DCT: variants seen among roughly 807,000 people sequenced by gnomAD.
DCT encodes dopachrome tautomerase.
In DCT, 47 loss-of-function variants were observed where a neutral mutation model predicts 53.0. That is an observed-to-expected ratio of 0.89 (90% CI 0.70 to 1.13). DCT has a LOEUF of 1.13. DCT is among the 50% of genes most tolerant of loss of function. The probability of loss-of-function intolerance (pLI) is 0.00; values close to 1 mark genes in which losing one functional copy is unlikely to be tolerated. For missense variants in DCT, 669 were observed against 637.4 expected (o/e 1.05, Z -0.53); for synonymous variants, 244 against 237.0 (o/e 1.03, Z -0.27).
chr13:94,536,470 G>T, the DCT span, among the ~76,000 whole-genome samples: 2 of 152,164 alleles, frequency 1.3e-5, no homozygotes, highest in Non-Finnish European at 2.9e-5. Flanking sequence ...GGAGGTGTTT[G>T]GGTCTTGGGG....
intron 1 of DCT, among the ~76,000 whole-genome samples, chr13:94,475,021 G>C (rs551081140): frequency 2.0e-5 from 3 of 152,272 alleles, no homozygotes; most frequent in East Asian, 3.9e-4. Flanking sequence ...ATTCGCAAAA[G>C]AGTCATCAGG....
At chr13:94,545,726 C>A in the DCT span, among the ~76,000 whole-genome samples, 2 of 152,072 alleles carry the variant, frequency 1.3e-5, no homozygotes, top group Admixed American at 6.6e-5. Context: ...GAATAAACAG[C>A]CTTTGCTTTC....
chr13:94,448,444 T>C (rs1030819661), intron 6 of DCT, among the ~76,000 whole-genome samples: 1 of 152,230 alleles, frequency 6.6e-6, no homozygotes, highest in Non-Finnish European at 1.5e-5. Flanking sequence ...GGTAGTTTTG[T>C]TAAAATTGTG....
rs150876034 is a variant in DCT at position 94,468,873 on chromosome 13, G to A, written c.468C>T (p.Tyr156=). 11 of 1,614,030 alleles carry A rather than the reference G, an allele frequency of 6.8e-6. No homozygotes were observed. The African/African-American group carries it at 1.1e-4, about 16-fold the overall frequency. ...DLAKKRVHPD[Y]VITTQHWLGL... is the part of the protein sequence containing the mutation. ...CCAGCCAGTGTTGTGTGGTGATCACGTAGTCGGGGTGTACTCTCTTCTTCG... is the reference window on the plus strand; with the variant it reads ...CCAGCCAGTGTTGTGTGGTGATCACATAGTCGGGGTGTACTCTCTTCTTCG... The change falls in exon 2 of 8, where the codon TAC becomes TAT. Residue 156 remains tyrosine, a synonymous_variant. Coordinates refer to ENST00000377028, the MANE Select transcript of DCT (RefSeq NM_001922.5).
rs1881963689 is a variant in DCT at position 94,437,343 on chromosome 13, G to A, written c.*2555C>T. Reference sequence around the variant, plus strand: ...ACATTTATTTTTAGTTTCCTTTTTAGTAAGTTTTCTACTTCTTAATAATGA... The same window carrying A: ...ACATTTATTTTTAGTTTCCTTTTTAATAAGTTTTCTACTTCTTAATAATGA... On this transcript the variant is annotated 3_prime_UTR_variant, in exon 8 of 8. Transcript: ENST00000377028. 8 of 151,888 alleles carry A rather than the reference G, an allele frequency of 5.3e-5. No individual in the cohort carries two copies. The highest frequency in any genetic ancestry group is 5.2e-4 in the Admixed American group (8 of 15,264). The allele number at this position is 151,888 out of a possible 1,614,324, so 9.4% of individuals were successfully genotyped here.
chr13:94,540,108 A>AT, the DCT span, among the ~76,000 whole-genome samples: 1 of 150,160 alleles, frequency 6.7e-6, no homozygotes, highest in Non-Finnish European at 1.5e-5. Flanking sequence ...TCAATTATCA[A>AT]TTCTAAAAAA....
chr13:94,525,821 T>A, the DCT span, among the ~76,000 whole-genome samples: 1 of 152,018 alleles, frequency 6.6e-6, no homozygotes, highest in Non-Finnish European at 1.5e-5. Flanking sequence ...AGTGAGACTC[T>A]GTCTCTACAA....
At chr13:94,449,434 A>AGT (rs1419812765) in intron 6 of DCT, among the ~76,000 whole-genome samples, 2 of 152,226 alleles carry the variant, frequency 1.3e-5, no homozygotes, top group Non-Finnish European at 2.9e-5. Flanking sequence ...AGACCAGCAC[A>AGT]GTGTAGCTTT....
chr13:94,474,395 C>T (rs936102692), intron 1 of DCT, among the ~76,000 whole-genome samples: 2 of 152,154 alleles, frequency 1.3e-5, no homozygotes, highest in African/African-American at 4.8e-5. Flanking sequence ...TAGCCTATTC[C>T]TTTTAATTAG....
At chr13:94,503,452 G>A in the DCT span, among the ~76,000 whole-genome samples, 1 of 147,442 alleles carries the variant, frequency 6.8e-6, no homozygotes, top group South Asian at 2.3e-4. Context: ...AAGGAGAGGA[G>A]AGGAGGGGAG....
the DCT span, among the ~76,000 whole-genome samples, chr13:94,512,733 C>CAT: frequency 7.2e-6 from 1 of 139,634 alleles, no homozygotes; most frequent in Non-Finnish European, 1.5e-5. Flanking sequence ...CACACACACA[C>CAT]ATATATACAT....
chr13:94,460,859 C>A (rs1883736528), intron 5 of DCT, among the ~76,000 whole-genome samples: 1 of 152,020 alleles, frequency 6.6e-6, no homozygotes, highest in African/African-American at 2.4e-5. Context: ...AAAGATGGGT[C>A]CAAAAAGGGG....
intron 6 of DCT, among the ~76,000 whole-genome samples, chr13:94,457,675 G>A (rs1355856203): frequency 6.6e-6 from 1 of 152,174 alleles, no homozygotes; most frequent in African/African-American, 2.4e-5. Context: ...TAAAAAAGGA[G>A]AAGAGGTGAA....
chr13:94,532,607 C>T, the DCT span, among the ~76,000 whole-genome samples: 1 of 152,006 alleles, frequency 6.6e-6, no homozygotes, highest in Non-Finnish European at 1.5e-5. Flanking sequence ...GGACACAGGG[C>T]AGGGAACATC....
the DCT span, among the ~76,000 whole-genome samples, chr13:94,540,894 A>G: frequency 6.6e-6 from 1 of 152,224 alleles, no homozygotes; most frequent in African/African-American, 2.4e-5. Context: ...TACAGACTCA[A>G]TCTAAGTGTC....
At chr13:94,494,326 G>T in the DCT span, among the ~76,000 whole-genome samples, 2 of 152,132 alleles carry the variant, frequency 1.3e-5, no homozygotes, top group Non-Finnish European at 2.9e-5. Context: ...TCCCCAATCT[G>T]CATCCTTTCA....
the DCT span, among the ~76,000 whole-genome samples, chr13:94,542,894 GAC>G: frequency 6.6e-6 from 1 of 151,994 alleles, no homozygotes; most frequent in Non-Finnish European, 1.5e-5. Context: ...TGTTGCCAAG[GAC>G]ACAGTTTCTC....
intron 6 of DCT, among the ~76,000 whole-genome samples, chr13:94,453,350 G>C (rs1159387478): frequency 6.6e-6 from 1 of 152,020 alleles, no homozygotes; most frequent in Non-Finnish European, 1.5e-5. Flanking sequence ...CAAAAAAATT[G>C]AGATGGAATT....
At chr13:94,488,153 A>G in the DCT span, among the ~76,000 whole-genome samples, 21 of 151,948 alleles carry the variant, frequency 1.4e-4, no homozygotes, top group Non-Finnish European at 2.8e-4. Flanking sequence ...TGAGTATTCA[A>G]TTTGGATTTT....
Sources: gnomAD v4.1 joint callset for allele counts (sites outside exome capture counted in the v4.1 genomes callset) on GRCh38, gnomAD v4.1.1 for gene constraint, MANE v1.5 for transcripts, NCBI Gene and HGNC (gene_info 2026-07-23, HGNC 2026-07-21) for gene names.